VMP1: variants seen among roughly 807,000 people sequenced by gnomAD.
The protein encoded by VMP1 is vacuole membrane protein 1, also known as ectopic P-granules autophagy protein 3 homolog.
A neutral mutation model predicts 56.0 loss-of-function variants in VMP1; 11 were observed. The observed-to-expected ratio is 0.20, with a 90% CI of 0.12 to 0.32. The LOEUF is 0.32. Among genes scored for constraint, VMP1 ranks in the 10% least tolerant of loss-of-function variants. The pLI, the probability that VMP1 is intolerant of heterozygous loss-of-function variation, is 1.00. For missense variants in VMP1, 296 were observed against 490.3 expected (o/e 0.60, Z 3.74); for synonymous variants, 149 against 165.0 (o/e 0.90, Z 0.74).
chr17:59,840,204 A>G lies in VMP1; in HGVS notation c.*293A>G, dbSNP rs79798956. The stretch of plus-strand genomic sequence containing the variant: ...TGTTTGTTACTTTCAAAAGGCCCAC[A>G]TGATACAATTAGAGAATTCCCACCG... On this transcript the variant is annotated 3_prime_UTR_variant, in exon 12 of 12. Transcript: ENST00000262291. 9.6e-3 allele frequency: 3,121 copies of G among 324,222 alleles called. 20 individuals carry two copies. Among genetic ancestry groups the G allele is most frequent in the Middle Eastern group, 0.017 (19 of 1,118 alleles). The allele number at this position is 324,222 out of a possible 1,614,324, so 20.1% of individuals were successfully genotyped here. A position where few individuals can be genotyped will look rare whatever the true frequency, so the allele number is the denominator to read the frequency against.
intron 9 of VMP1, among the ~76,000 whole-genome samples, chr17:59,813,814 A>G (rs1362942051): frequency 6.6e-6 from 1 of 152,136 alleles, no homozygotes; most frequent in African/African-American, 2.4e-5. Context: ...CCTGCTTTAT[A>G]CCTCTTGAAT....
chr17:59,806,820 A>C (rs2037858217), intron 7 of VMP1, among the ~76,000 whole-genome samples: 2 of 152,158 alleles, frequency 1.3e-5, no homozygotes, highest in South Asian at 4.1e-4. Flanking sequence ...ATAAATTATA[A>C]AATTGCTAAA....
At chr17:59,837,691 G>A (rs1391391690) in intron 10 of VMP1, 3 of 152,186 alleles carry the variant, frequency 2.0e-5, no homozygotes. Flanking sequence ...AGTGGGAGGT[G>A]CCTCCCAAGT....
At position 59,810,694 on chromosome 17, in the gene VMP1, C is replaced by A. The variant is rs143418877; in HGVS notation, c.796-976C>A. Among the ~76,000 whole-genome samples the A allele has an allele frequency of 8.3e-4, 127 of 152,186 alleles. 1 individual carries two copies. In the Middle Eastern group the frequency reaches 0.041, roughly 49 times the overall value. ...AGTCATTGAATCCAAGTGTTACTAA[C>A]AAAGGAATACTTGAATTCTAATTTA... is the stretch of plus-strand genomic sequence containing the variant. On this transcript the variant is annotated intron_variant, in intron 8 of 11. Transcript: ENST00000262291.
At chr17:59,756,904 T>C (rs2035861132) in intron 5 of VMP1, among the ~76,000 whole-genome samples, 1 of 152,204 alleles carries the variant, frequency 6.6e-6, no homozygotes, top group Non-Finnish European at 1.5e-5. Flanking sequence ...AACATAGACA[T>C]GAGTATAACC....
chr17:59,783,770 T>C (rs373417413), intron 7 of VMP1, among the ~76,000 whole-genome samples: 1 of 152,278 alleles, frequency 6.6e-6, no homozygotes, highest in East Asian at 1.9e-4. Flanking sequence ...CCCGCTACTG[T>C]TTCAGGCCTT....
Position 59,788,117 on chromosome 17 carries a change from CA to C in VMP1, c.714+14233del, listed in dbSNP as rs2037070924. 2.0e-5 allele frequency among the ~76,000 whole-genome samples: 3 copies of C among 152,158 alleles called. No homozygotes were observed. The South Asian group carries it at 6.2e-4, about 32-fold the overall frequency. On this transcript the variant is annotated intron_variant, in intron 7 of 11. Coordinates refer to ENST00000262291, the MANE Select transcript of VMP1 (RefSeq NM_030938.5). ...TTCAAATGAAAATACGAGGTTAATG[CA>C]GTCCAGTCATTAGCAGGGAAAAAAA...
chr17:59,834,692 T>C (rs914036465), intron 10 of VMP1, among the ~76,000 whole-genome samples: 1 of 151,714 alleles, frequency 6.6e-6, no homozygotes, highest in Non-Finnish European at 1.5e-5. Flanking sequence ...TGGTGCGATC[T>C]GGGCTCACTG....
chr17:59,716,740 T>C (rs1342512735), intron 1 of VMP1, among the ~76,000 whole-genome samples: 1 of 152,180 alleles, frequency 6.6e-6, no homozygotes, highest in African/African-American at 2.4e-5. Flanking sequence ...ACAAAAGTAG[T>C]TGTTATTACA....
At chr17:59,765,910 G>C (rs149163799) in intron 6 of VMP1, among the ~76,000 whole-genome samples, 2 of 151,300 alleles carry the variant, frequency 1.3e-5, no homozygotes, top group East Asian at 1.9e-4. Context: ...ATTTATCTAA[G>C]AGTTATATAA....
At position 59,809,484 on chromosome 17, in the gene VMP1, A is replaced by ATTTTTTTT. The variant is rs71145575; in HGVS notation, c.795+641_795+648dup. Among the ~76,000 whole-genome samples the ATTTTTTTT allele has an allele frequency of 7.0e-4, 37 of 52,710 alleles. 2 individuals are homozygous for ATTTTTTTT. Among genetic ancestry groups the ATTTTTTTT allele is most frequent in the Admixed American group, 1.3e-3 (5 of 3,756 alleles). 34.6% of individuals were successfully genotyped at this position (52,710 alleles called of 152,430 possible). A position where few individuals can be genotyped will look rare whatever the true frequency, so the allele number is the denominator to read the frequency against. On this transcript the variant is annotated intron_variant, in intron 8 of 11. Transcript: ENST00000262291. ...AGGCGACTGCCACCACACCCAGCTA[A>ATTTTTTTT]TTTTTTTTTTTTTTTTTTTTTTTTT...
Position 59,839,613 on chromosome 17 carries a change from A to G in VMP1, c.1078-155A>G, listed in dbSNP as rs1598475698. 3 of 851,944 alleles carry G rather than the reference A, an allele frequency of 3.5e-6. No individual in the cohort carries two copies. In the East Asian group the frequency reaches 8.1e-5, roughly 23 times the overall value. The allele number at this position is 851,944 out of a possible 1,614,324, so 52.8% of individuals were successfully genotyped here. On this transcript the variant is annotated intron_variant, in intron 11 of 11. Transcript: ENST00000262291. ...GATAGTTGGGTGTAAAAAGGAGAGT[A>G]ATGGAGATTTCAGAGTAGTTGGGGT...
At chr17:59,778,361 A>G (rs979702998) in intron 7 of VMP1, among the ~76,000 whole-genome samples, 1 of 151,996 alleles carries the variant, frequency 6.6e-6, no homozygotes, top group African/African-American at 2.4e-5. Flanking sequence ...TAACACAGTG[A>G]AACCCCATCT....
At chr17:59,751,608 G>A (rs144487081) in intron 5 of VMP1, among the ~76,000 whole-genome samples, 8 of 86,378 alleles carry the variant, frequency 9.3e-5, no homozygotes, top group African/African-American at 3.7e-4. Context: ...TGGGCGTGGT[G>A]GGGGGGGCGC....
At chr17:59,765,179 C>T in intron 6 of VMP1, 41 bp downstream of exon 6, 1 of 1,596,368 alleles carries the variant, frequency 6.3e-7, no homozygotes, top group Non-Finnish European at 8.6e-7. Context: ...ACTAACCTCA[C>T]CATCTTGATA....
At chr17:59,775,854 G>A (rs552477207) in intron 7 of VMP1, among the ~76,000 whole-genome samples, 3 of 152,260 alleles carry the variant, frequency 2.0e-5, no homozygotes, top group African/African-American at 4.8e-5. Context: ...CTCTATCTCA[G>A]TTATCTCAAC....
intron 1 of VMP1, among the ~76,000 whole-genome samples, chr17:59,719,103 ATTAG>A (rs2034290319): frequency 6.6e-6 from 1 of 152,214 alleles, no homozygotes; most frequent in African/African-American, 2.4e-5. Context: ...TATTACTCAG[ATTAG>A]TTATTTTGTT....
chr17:59,794,323 A>G (rs555026886), intron 7 of VMP1, among the ~76,000 whole-genome samples: 4 of 145,310 alleles, frequency 2.8e-5, no homozygotes, highest in Non-Finnish European at 6.0e-5. Flanking sequence ...CCCGGGTTCA[A>G]GCAGTTCTGC....
chr17:59,769,959 T>G (rs1358244538), intron 6 of VMP1, among the ~76,000 whole-genome samples: 24 of 152,200 alleles, frequency 1.6e-4, no homozygotes. Flanking sequence ...GGGTATAATG[T>G]GTTTTGGGAC....
Sources: allele counts gnomAD v4.1 joint callset (sites outside exome capture counted in the v4.1 genomes callset), GRCh38; gene constraint gnomAD v4.1.1; transcripts MANE v1.5; gene names NCBI Gene and HGNC (gene_info 2026-07-23, HGNC 2026-07-21).